Variants in TBC1D9 observed in about 807,000 individuals in gnomAD.
The protein encoded by TBC1D9 is TBC1 domain family member 9.
A neutral mutation model predicts 132.0 loss-of-function variants in TBC1D9; 63 were observed. That is an observed-to-expected ratio of 0.48 (90% CI 0.39 to 0.59). TBC1D9 has a LOEUF of 0.59. Among genes scored for constraint, TBC1D9 ranks in the 20% least tolerant of loss-of-function variants. The probability of loss-of-function intolerance (pLI) is 0.00; values close to 1 mark genes in which losing one functional copy is unlikely to be tolerated. For missense variants in TBC1D9, 1,261 were observed against 1,592.7 expected (o/e 0.79, Z 3.54); for synonymous variants, 610 against 609.9 (o/e 1.00, Z 0.00).
At chr4:140,643,992 T>G in intron 13 of TBC1D9, 1 of 540,212 alleles carries the variant, frequency 1.9e-6, no homozygotes, top group Non-Finnish European at 3.5e-6. Flanking sequence ...CTCCGGGTCC[T>G]CCCGCAGCGG....
At chr4:140,725,258 T>C (rs192328669) in intron 1 of TBC1D9, among the ~76,000 whole-genome samples, 1 of 152,328 alleles carries the variant, frequency 6.6e-6, no homozygotes, top group East Asian at 1.9e-4. Context: ...TGCTATGTTT[T>C]GATACAGAAA....
Position 140,676,986 on chromosome 4 carries a change from G to T in TBC1D9, c.967C>A (p.His323Asn). 2 of 1,613,950 alleles carry T rather than the reference G, an allele frequency of 1.2e-6. No individual in the cohort carries two copies. The highest frequency in any genetic ancestry group is 1.7e-6 in the Non-Finnish European group (2 of 1,179,876). The change falls in exon 6 of 21, where the codon CAC (histidine) becomes AAC (asparagine). Residue 323 changes from histidine (H) to asparagine (N), a missense_variant. Transcript: ENST00000442267. Reference protein sequence around the residue: ...CTLWTPFNKMHILGQMFVSTN... With the variant: ...CTLWTPFNKMNILGQMFVSTN... ...GACACAAACATCTGCCCCAAAATGT[G>T]CATTTTGTTAAATGGAGTCCAGAGA...
chr4:140,674,761 C>T (rs1196872939), intron 6 of TBC1D9, among the ~76,000 whole-genome samples: 3 of 151,600 alleles, frequency 2.0e-5, no homozygotes, highest in African/African-American at 2.4e-5. Context: ...TGCAGTGGTT[C>T]GATCATAGCT....
chr4:140,668,213 C>G (rs1368100465), intron 9 of TBC1D9, among the ~76,000 whole-genome samples: 2 of 152,164 alleles, frequency 1.3e-5, no homozygotes, highest in Non-Finnish European at 2.9e-5. Context: ...CCTGAAGGAT[C>G]TCTGGTTTCT....
At chr4:140,628,480 T>C in intron 16 of TBC1D9, 115 bp from the exon 17 acceptor site, 2 of 961,858 alleles carry the variant, frequency 2.1e-6, no homozygotes, top group South Asian at 2.9e-5. Flanking sequence ...CATTGTGTGG[T>C]GAAAGGCCTG....
At chr4:140,670,240 T>C (rs1737514604) in intron 7 of TBC1D9, among the ~76,000 whole-genome samples, 1 of 152,154 alleles carries the variant, frequency 6.6e-6, no homozygotes, top group East Asian at 1.9e-4. Flanking sequence ...CTTCGAAACA[T>C]GTTTTATCTG....
At chr4:140,641,993 A>C in intron 13 of TBC1D9, 1 of 590,050 alleles carries the variant, frequency 1.7e-6, no homozygotes, top group Non-Finnish European at 3.1e-6. Context: ...TCGCTGAAGG[A>C]GGAATGCACC....
intron 8 of TBC1D9, 113 bp downstream of exon 8, chr4:140,669,521 T>A (rs1737501471): frequency 1.7e-6 from 2 of 1,208,322 alleles, no homozygotes; most frequent in Non-Finnish European, 2.3e-6. Flanking sequence ...CTGCTTAACT[T>A]ATAGGAAAAT....
At chr4:140,678,153 C>T (rs1737653181) in intron 5 of TBC1D9, among the ~76,000 whole-genome samples, 1 of 152,162 alleles carries the variant, frequency 6.6e-6, no homozygotes, top group Admixed American at 6.5e-5. Flanking sequence ...TTACACTGCT[C>T]TTTTGAACAT....
chr4:140,730,957 G>A (rs1738580481), intron 1 of TBC1D9, among the ~76,000 whole-genome samples: 1 of 152,152 alleles, frequency 6.6e-6, no homozygotes, highest in Non-Finnish European at 1.5e-5. Context: ...GATTCAGAGA[G>A]TAATTGCTTG....
Position 140,661,971 on chromosome 4 carries a change from C to A in TBC1D9, c.1725G>T (p.Gln575His). 2 of 1,614,006 alleles carry A rather than the reference C, an allele frequency of 1.2e-6. No homozygotes were observed. Among genetic ancestry groups the A allele is most frequent in the Non-Finnish European group, 1.7e-6 (2 of 1,179,894 alleles). Reference sequence around the variant, plus strand: ...TTAGTGCAGCAATGCCCATTTCATTCTGAAAAGCTGGGTGTTCTGGAAGGG... The same window carrying A: ...TTAGTGCAGCAATGCCCATTTCATTATGAAAAGCTGGGTGTTCTGGAAGGG... ...HRSLPEHPAF[Q>H]NEMGIAALRR... is the part of the protein sequence containing the mutation. Residue 575 changes from glutamine to histidine, a missense_variant, in exon 10 of 21, where the codon CAG becomes CAT. Gln to His is a conservative substitution (Grantham distance 24). Around this residue, in one of 3 missense-constraint regions of TBC1D9, gnomAD observed 93 missense variants for 169.2 expected, o/e 0.55. Transcript: ENST00000442267.
intron 1 of TBC1D9, among the ~76,000 whole-genome samples, chr4:140,701,822 T>C (rs1188629197): frequency 6.7e-6 from 1 of 149,942 alleles, no homozygotes; most frequent in Non-Finnish European, 1.5e-5. Flanking sequence ...GTCGTGTCCA[T>C]CTGATTCAGT....
chr4:140,686,143 A>G (rs1376404317), intron 3 of TBC1D9, among the ~76,000 whole-genome samples: 1 of 152,218 alleles, frequency 6.6e-6, no homozygotes, highest in Non-Finnish European at 1.5e-5. Flanking sequence ...AAAAAGGAAT[A>G]GCCCTATTCT....
intron 1 of TBC1D9, among the ~76,000 whole-genome samples, 199 bp downstream of exon 1, chr4:140,755,717 A>C (rs1739000311): frequency 1.3e-5 from 2 of 152,176 alleles, no homozygotes; most frequent in South Asian, 4.1e-4. Flanking sequence ...TGAGGGCCCC[A>C]AGCCTGACAG....
At chr4:140,627,301 C>T (rs927353920) in intron 18 of TBC1D9, 140 bp downstream of exon 18, 1 of 601,666 alleles carries the variant, frequency 1.7e-6, no homozygotes, top group South Asian at 2.1e-5. Context: ...ATCTCAAAAA[C>T]TGGAAAGGAA....
At chr4:140,691,090 G>T (rs879572920) in intron 2 of TBC1D9, among the ~76,000 whole-genome samples, 3 of 152,100 alleles carry the variant, frequency 2.0e-5, no homozygotes, top group Non-Finnish European at 4.4e-5. Context: ...CCAGCTCCAG[G>T]TTCTGGTCAC....
At chr4:140,686,091 A>G (rs1737774836) in intron 3 of TBC1D9, among the ~76,000 whole-genome samples, 2 of 152,192 alleles carry the variant, frequency 1.3e-5, no homozygotes, top group South Asian at 4.1e-4. Flanking sequence ...ACTCACATGT[A>G]CCCCAGAAAT....
Position 140,676,937 on chromosome 4 carries a change from C to T in TBC1D9, c.1016G>A (p.Ser339Asn). 1 of 1,613,952 alleles carries T rather than the reference C, an allele frequency of 6.2e-7. No individual in the cohort carries two copies. Among genetic ancestry groups the T allele is most frequent in the South Asian group, 1.1e-5 (1 of 91,082 alleles). The stretch of plus-strand genomic sequence containing the variant: ...GAGGCTACATAAGTTCTCCTCCTTG[C>T]TGGTAAAACAGATGTAATTTGTGGA... ...FVSTNYICFT[S>N]KEENLCSLII... The change falls in exon 6 of 21, where the codon AGC becomes AAC. Residue 339 changes from serine (S) to asparagine (N), a missense_variant. Coordinates refer to ENST00000442267, the MANE Select transcript of TBC1D9 (RefSeq NM_015130.3).
intron 18 of TBC1D9, 140 bp from the exon 19 acceptor site, chr4:140,624,528 A>C: frequency 1.5e-6 from 1 of 682,132 alleles, no homozygotes; most frequent in Non-Finnish European, 2.4e-6. Context: ...AAAACTCCTC[A>C]AAACAAAACA....
Sources: gnomAD v4.1 joint callset for allele counts (sites outside exome capture counted in the v4.1 genomes callset) on GRCh38, gnomAD v4.1.1 for gene constraint, gnomAD v4.1.1 regional missense constraint, MANE v1.5 for transcripts, NCBI Gene and HGNC (gene_info 2026-07-23, HGNC 2026-07-21) for gene names.